Variants in GNB4 observed in about 807,000 individuals in gnomAD.
The protein encoded by GNB4 is G protein subunit beta 4.
GNB4 carries 28 observed loss-of-function variants against 45.2 expected under a neutral mutation model. The ratio of observed to expected loss-of-function variants is 0.62; its 90% CI spans 0.46 to 0.85. The LOEUF is 0.85. Ranked by LOEUF, GNB4 falls within the 40% of genes least tolerant of loss-of-function variation. The probability of loss-of-function intolerance (pLI) is 0.00; values close to 1 mark genes in which losing one functional copy is unlikely to be tolerated. For missense variants in GNB4, 321 were observed against 425.4 expected (o/e 0.75, Z 2.16); for synonymous variants, 132 against 143.7 (o/e 0.92, Z 0.58).
chr3:179,523,823 A>C, the GNB4 span, among the ~76,000 whole-genome samples: 1 of 151,774 alleles, frequency 6.6e-6, no homozygotes, highest in Admixed American at 6.6e-5. Flanking sequence ...GCTTTGAACT[A>C]GGGAAAAGGG....
At chr3:179,465,798 TCTTCTTCTTC>T in the GNB4 span, among the ~76,000 whole-genome samples, 10 of 139,222 alleles carry the variant, frequency 7.2e-5, no homozygotes, top group East Asian at 6.3e-4. Flanking sequence ...ATAATTTTTT[TCTTCTTCTTC>T]TTCTTCTTCT....
chr3:179,518,658 C>T, the GNB4 span, among the ~76,000 whole-genome samples: 1 of 152,150 alleles, frequency 6.6e-6, no homozygotes, highest in African/African-American at 2.4e-5. Flanking sequence ...CAAGCAATTT[C>T]CTCTTAAAAA....
rs1442960177 is a variant in GNB4, at chr3:179,414,900, A to G, written c.415T>C (p.Leu139=). 6.3e-7 allele frequency: 1 copy of G among 1,586,880 alleles called. No homozygotes were observed. Residue 139 remains leucine, a synonymous_variant, in exon 6 of 10, where the codon TTG becomes CTG. Transcript: ENST00000232564. ...GGAAGCTCACCTGTGTGACCTGGCA[A>G]CTCTCGGCTTACTCTCACATTTCCC... The part of the protein sequence containing the change: ...REGNVRVSRE[L]PGHTGYLSCC...
chr3:179,470,390 G>C, the GNB4 span, among the ~76,000 whole-genome samples: 4 of 151,752 alleles, frequency 2.6e-5, no homozygotes, highest in Non-Finnish European at 5.9e-5. Context: ...CAGTGATATT[G>C]ATGACCCCAA....
intron 1 of GNB4, among the ~76,000 whole-genome samples, chr3:179,428,941 G>A (rs904570891): frequency 1.3e-5 from 2 of 152,174 alleles, no homozygotes; most frequent in African/African-American, 4.8e-5. Context: ...GAATTTCCAG[G>A]CTGAGTGCCC....
At chr3:179,458,796 G>A in the GNB4 span, among the ~76,000 whole-genome samples, 6 of 151,646 alleles carry the variant, frequency 4.0e-5, no homozygotes, top group African/African-American at 9.7e-5. Flanking sequence ...TTTTTGTCCC[G>A]AGGGTGATTG....
chr3:179,418,801 T>C (rs567871064), intron 4 of GNB4, among the ~76,000 whole-genome samples: 12 of 152,368 alleles, frequency 7.9e-5, no homozygotes, highest in African/African-American at 2.2e-4. Context: ...TGGAAAAACA[T>C]AGGCTGTGCT....
chr3:179,469,306 G>C, the GNB4 span, among the ~76,000 whole-genome samples: 4 of 152,282 alleles, frequency 2.6e-5, no homozygotes, highest in African/African-American at 9.6e-5. Context: ...ACTTGTCTCA[G>C]TTACTTTTTG....
At chr3:179,426,380 G>A (rs1294019338) in intron 1 of GNB4, 138 bp from the exon 2 acceptor site, 10 of 556,802 alleles carry the variant, frequency 1.8e-5, no homozygotes, top group Non-Finnish European at 2.8e-5. Context: ...GGAATTTAAA[G>A]ATGCTTAGTA....
chr3:179,498,253 T>C, the GNB4 span, among the ~76,000 whole-genome samples: 1 of 151,878 alleles, frequency 6.6e-6, no homozygotes, highest in Non-Finnish European at 1.5e-5. Context: ...TGAGACAGAG[T>C]TTAGGGTACA....
chr3:179,450,585 G>T (rs1400091652), intron 1 of GNB4, among the ~76,000 whole-genome samples: 4 of 152,208 alleles, frequency 2.6e-5, no homozygotes, highest in Non-Finnish European at 5.9e-5. Flanking sequence ...GAAGGAGTGG[G>T]AGAAAAGGGA....
the GNB4 span, among the ~76,000 whole-genome samples, chr3:179,472,573 A>G: frequency 1.3e-5 from 2 of 151,978 alleles, no homozygotes; most frequent in Non-Finnish European, 2.9e-5. Context: ...CATTTTGCTA[A>G]GGCTGGTCTC....
chr3:179,501,074 G>A, the GNB4 span, among the ~76,000 whole-genome samples: 1 of 152,160 alleles, frequency 6.6e-6, no homozygotes, highest in African/African-American at 2.4e-5. Flanking sequence ...TCTGGAAGTA[G>A]CAGATAGCTG....
chr3:179,487,976 A>C, the GNB4 span, among the ~76,000 whole-genome samples: 1 of 151,780 alleles, frequency 6.6e-6, no homozygotes. Context: ...GCTTGAACTC[A>C]GGAGGCAGAG....
chr3:179,506,708 A>T, the GNB4 span, among the ~76,000 whole-genome samples: 1 of 152,172 alleles, frequency 6.6e-6, no homozygotes, highest in Non-Finnish European at 1.5e-5. Context: ...TATTGAAGTC[A>T]GTTACTTTCT....
chr3:179,456,299 C>T (rs978382302), upstream of GNB4, among the ~76,000 whole-genome samples: 4 of 151,746 alleles, frequency 2.6e-5, no homozygotes, highest in Non-Finnish European at 4.4e-5. Flanking sequence ...CACCATGTTC[C>T]CCAGGCTGGA....
chr3:179,424,739 G>C (rs1333452389), intron 2 of GNB4, among the ~76,000 whole-genome samples: 1 of 152,060 alleles, frequency 6.6e-6, no homozygotes, highest in East Asian at 1.9e-4. Flanking sequence ...CGAGTAGCTG[G>C]GACTACAGGC....
intron 1 of GNB4, among the ~76,000 whole-genome samples, chr3:179,432,603 C>A (rs1424586712): frequency 6.6e-6 from 1 of 152,142 alleles, no homozygotes; most frequent in Non-Finnish European, 1.5e-5. Context: ...AGGTAAGGAT[C>A]CAAAGTGGCC....
At chr3:179,490,732 C>T in the GNB4 span, among the ~76,000 whole-genome samples, 58 of 152,300 alleles carry the variant, frequency 3.8e-4, 1 homozygote, top group South Asian at 0.011. Context: ...GCTAAGCCCC[C>T]GGCCAATTGC....
Sources: allele counts gnomAD v4.1 joint callset (sites outside exome capture counted in the v4.1 genomes callset), GRCh38; gene constraint gnomAD v4.1.1; transcripts MANE v1.5; gene names NCBI Gene and HGNC (gene_info 2026-07-23, HGNC 2026-07-21).